The following AGBL1 variants were observed in gnomAD, a reference collection of about 807,000 sequenced individuals.
The protein encoded by AGBL1 is AGBL carboxypeptidase 1, also known as cytosolic carboxypeptidase 4.
Under a neutral mutation model 118.9 loss-of-function variants are expected in AGBL1, and 130 were observed. The ratio of observed to expected loss-of-function variants is 1.09; its 90% CI spans 0.95 to 1.26. AGBL1 has a LOEUF of 1.26. Ranked by LOEUF, AGBL1 falls within the 50% of genes most tolerant of loss-of-function variation. The pLI is 0.00. For missense variants in AGBL1, 1,584 were observed against 1,298.1 expected (o/e 1.22, Z -3.38); for synonymous variants, 555 against 478.9 (o/e 1.16, Z -2.08).
At chr15:86,369,753 GA>G (rs1387181616) in intron 17 of AGBL1, among the ~76,000 whole-genome samples, 3 of 151,828 alleles carry the variant, frequency 2.0e-5, no homozygotes, top group African/African-American at 4.8e-5. Flanking sequence ...TATTAAATGA[GA>G]AAAAAATTAT....
intron 22 of AGBL1, among the ~76,000 whole-genome samples, chr15:86,690,392 C>T (rs778418180): frequency 3.9e-5 from 6 of 151,994 alleles, no homozygotes; most frequent in Non-Finnish European, 7.4e-5. Flanking sequence ...GAGTTTGTAC[C>T]AACTCTGAAA....
intron 18 of AGBL1, among the ~76,000 whole-genome samples, chr15:86,509,073 A>C (rs1394245838): frequency 6.6e-6 from 1 of 152,182 alleles, no homozygotes; most frequent in Non-Finnish European, 1.5e-5. Context: ...AAGTTAAATA[A>C]CTTGGTCAAG....
chr15:86,229,162 A>T (rs2078415553), intron 6 of AGBL1, among the ~76,000 whole-genome samples: 1 of 152,218 alleles, frequency 6.6e-6, no homozygotes, highest in Non-Finnish European at 1.5e-5. Context: ...AATATAATAA[A>T]TCAAAACAAC....
intron 18 of AGBL1, among the ~76,000 whole-genome samples, chr15:86,408,034 T>C: frequency 6.6e-6 from 1 of 152,162 alleles, no homozygotes; most frequent in East Asian, 1.9e-4. Flanking sequence ...AGAGGGCAAC[T>C]GGCTGTCACA....
At chr15:86,811,135 G>C (rs1446660642) in intron 22 of AGBL1, among the ~76,000 whole-genome samples, 2 of 152,186 alleles carry the variant, frequency 1.3e-5, no homozygotes, top group Non-Finnish European at 2.9e-5. Flanking sequence ...GAGTGTGAGA[G>C]TCAAGTGAAG....
intron 17 of AGBL1, among the ~76,000 whole-genome samples, chr15:86,305,905 T>A (rs999868434): frequency 1.3e-5 from 2 of 152,182 alleles, no homozygotes; most frequent in African/African-American, 4.8e-5. Context: ...CACTTTACAC[T>A]CCCACAAAGT....
intron 17 of AGBL1, among the ~76,000 whole-genome samples, chr15:86,325,813 T>A (rs1340755998): frequency 6.6e-6 from 1 of 152,162 alleles, no homozygotes; most frequent in Non-Finnish European, 1.5e-5. Flanking sequence ...CTCAGAGTGG[T>A]ACAGTCTGTG....
At chr15:86,114,040 A>T (rs1394948488) in intron 1 of AGBL1, among the ~76,000 whole-genome samples, 5 of 152,218 alleles carry the variant, frequency 3.3e-5, no homozygotes, top group African/African-American at 1.2e-4. Flanking sequence ...AAAATATGTG[A>T]GTTACCAGTG....
At chr15:86,473,631 A>G (rs1317694813) in intron 18 of AGBL1, among the ~76,000 whole-genome samples, 1 of 152,152 alleles carries the variant, frequency 6.6e-6, no homozygotes, top group Non-Finnish European at 1.5e-5. Context: ...CTATTCTGAG[A>G]CAGTATTTCA....
intron 18 of AGBL1, among the ~76,000 whole-genome samples, chr15:86,413,943 T>C (rs1483478453): frequency 6.6e-6 from 1 of 152,094 alleles, no homozygotes; most frequent in Non-Finnish European, 1.5e-5. Context: ...CAATGGATGA[T>C]TGAATAAATA....
At chr15:86,941,682 C>T (rs1355390232) in intron 23 of AGBL1, among the ~76,000 whole-genome samples, 2 of 152,174 alleles carry the variant, frequency 1.3e-5, no homozygotes, top group Non-Finnish European at 2.9e-5. Flanking sequence ...AGGAAAACTT[C>T]ACCAGGAGGC....
At chr15:86,678,135 A>T (rs2085883201) in intron 22 of AGBL1, among the ~76,000 whole-genome samples, 1 of 152,192 alleles carries the variant, frequency 6.6e-6, no homozygotes. Flanking sequence ...TGGTGGGAAC[A>T]TTTAACATCC....
intron 1 of AGBL1, among the ~76,000 whole-genome samples, chr15:86,137,402 T>C (rs1176558999): frequency 1.3e-5 from 2 of 152,182 alleles, no homozygotes; most frequent in Non-Finnish European, 2.9e-5. Context: ...GTGTAAAATT[T>C]TCTTTTCTCT....
chr15:86,176,896 C>A (rs1034144218), intron 5 of AGBL1, among the ~76,000 whole-genome samples: 1 of 152,096 alleles, frequency 6.6e-6, no homozygotes, highest in Non-Finnish European at 1.5e-5. Flanking sequence ...GGATCCTTTG[C>A]TCACCTTTTC....
At chr15:86,180,840 C>T (rs2077542131) in intron 5 of AGBL1, among the ~76,000 whole-genome samples, 1 of 151,812 alleles carries the variant, frequency 6.6e-6, no homozygotes, top group African/African-American at 2.4e-5. Context: ...AAGAACAATC[C>T]AATTAAAAAT....
At chr15:86,868,500 G>GTGT (rs1385447193) in intron 22 of AGBL1, among the ~76,000 whole-genome samples, 1 of 152,244 alleles carries the variant, frequency 6.6e-6, no homozygotes, top group Admixed American at 6.5e-5. Flanking sequence ...CCCCACAAGG[G>GTGT]TGTTGCACAA....
At chr15:86,593,563 G>A (rs1171608932) in intron 21 of AGBL1, among the ~76,000 whole-genome samples, 1 of 152,156 alleles carries the variant, frequency 6.6e-6, no homozygotes, top group African/African-American at 2.4e-5. Context: ...GCATGATTCA[G>A]TTAATAGATA....
intron 24 of AGBL1, among the ~76,000 whole-genome samples, chr15:87,006,759 T>TA (rs1345490498): frequency 6.6e-6 from 1 of 152,174 alleles, no homozygotes; most frequent in Non-Finnish European, 1.5e-5. Flanking sequence ...TCACCCGTCT[T>TA]CTGCGTCACT....
chr15:86,328,896 T>A (rs897496530), intron 17 of AGBL1, among the ~76,000 whole-genome samples: 1 of 152,228 alleles, frequency 6.6e-6, no homozygotes, highest in Non-Finnish European at 1.5e-5. Flanking sequence ...TGGGCTCATA[T>A]AAAGTCAGTC....
Sources: allele counts gnomAD v4.1 joint callset (sites outside exome capture counted in the v4.1 genomes callset), GRCh38; gene constraint gnomAD v4.1.1; transcripts MANE v1.5; gene names NCBI Gene and HGNC (gene_info 2026-07-23, HGNC 2026-07-21).